ADAMTS4: variants seen among roughly 807,000 people sequenced by gnomAD.
ADAMTS4 encodes A disintegrin and metalloproteinase with thrombospondin motifs 4.
A neutral mutation model predicts 66.7 loss-of-function variants in ADAMTS4; 38 were observed. That is an observed-to-expected ratio of 0.57 (90% CI 0.44 to 0.75). The LOEUF (loss-of-function observed/expected upper bound fraction) is 0.75. ADAMTS4 is among the 30% of genes least tolerant of loss of function. The pLI, the probability that ADAMTS4 is intolerant of heterozygous loss-of-function variation, is 0.00. For missense variants in ADAMTS4, 1,014 were observed against 1,116.7 expected (o/e 0.91, Z 1.31); for synonymous variants, 418 against 461.5 (o/e 0.91, Z 1.21).
At chr1:161,195,945 A>ACG in intron 3 of ADAMTS4, 1 of 558,714 alleles carries the variant, frequency 1.8e-6, no homozygotes, top group Non-Finnish European at 3.1e-6. Flanking sequence ...ACACACACAC[A>ACG]CACACACACA....
At chr1:161,195,317 C>T in intron 4 of ADAMTS4, 148 bp downstream of exon 4, 1 of 824,538 alleles carries the variant, frequency 1.2e-6, no homozygotes, top group Non-Finnish European at 1.9e-6. Flanking sequence ...TACACAAAGA[C>T]AGCAGCATTT....
Position 161,195,619 on chromosome 1 carries a change from C to A in ADAMTS4, c.1107G>T (p.Met369Ile). 3 of 1,612,560 alleles carry A rather than the reference C, an allele frequency of 1.9e-6. No homozygotes were observed. The highest frequency in any genetic ancestry group is 2.5e-6 in the Non-Finnish European group (3 of 1,179,256). ...TGCATGGCTTGGAGTTGTCATGGAG[C>A]ATGTTGAAGACATGACCTGTGGGAG... is the stretch of plus-strand genomic sequence containing the variant. ...AAHELGHVFN[M>I]LHDNSKPCIS... is the part of the protein sequence containing the mutation. Residue 369 changes from methionine (M) to isoleucine (I), a missense_variant, in exon 4 of 9, where the codon ATG (methionine) becomes ATT (isoleucine). Met to Ile is a conservative substitution (Grantham distance 10). Coordinates refer to ENST00000367996, the MANE Select transcript of ADAMTS4 (RefSeq NM_005099.6).
intron 1 of ADAMTS4, among the ~76,000 whole-genome samples, chr1:161,197,793 G>A (rs1664914921): frequency 1.3e-5 from 2 of 152,040 alleles, no homozygotes; most frequent in Admixed American, 6.6e-5. Flanking sequence ...GAGAACCCTC[G>A]GTGGGTCTGG....
Position 161,198,091 on chromosome 1 carries a change from G to A in ADAMTS4, c.537C>T (p.His179=), listed in dbSNP as rs758043724. Residue 179 remains histidine, a synonymous_variant, in exon 1 of 9, where the codon CAC becomes CAT. Transcript: ENST00000367996. The surrounding 1 kb of genome is among the most constrained non-coding windows in gnomAD (Gnocchi z 4.7). Reference sequence around the variant, plus strand: ...TGGCAGGACTCTTCCGGCGTAGGATGTGAGCCCCAGGTCCCCCAGCAGAGT... The same window carrying A: ...TGGCAGGACTCTTCCGGCGTAGGATATGAGCCCCAGGTCCCCCAGCAGAGT... ...TPNSAGGPGA[H]ILRRKSPASG... is the part of the protein sequence containing the mutation. 6.2e-6 allele frequency: 10 copies of A among 1,613,360 alleles called. No homozygotes were observed. In the African/African-American group the frequency reaches 9.3e-5, roughly 15 times the overall value.
At chr1:161,195,940 C>A in intron 3 of ADAMTS4, 2 of 479,920 alleles carry the variant, frequency 4.2e-6, no homozygotes, top group Non-Finnish European at 7.1e-6. Flanking sequence ...CACAGACACA[C>A]ACACACACAC....
rs1230770895 is a variant in ADAMTS4 at position 161,198,414 on chromosome 1, G to A, written c.214C>T (p.Leu72=). 3.1e-6 allele frequency: 5 copies of A among 1,603,098 alleles called. No homozygotes were observed. Among genetic ancestry groups the A allele is most frequent in the Non-Finnish European group, 4.3e-6 (5 of 1,175,360 alleles). The change falls in exon 1 of 9, where the codon CTG becomes TTG. Residue 72 remains leucine, a synonymous_variant. Coordinates refer to ENST00000367996, the MANE Select transcript of ADAMTS4 (RefSeq NM_005099.6). This position sits in a 1 kb window ranked among gnomAD's most constrained non-coding sequence, Gnocchi z 4.7. ...VFPEKLNGSV[L]PGSGAPARLL... is the part of the protein sequence containing the mutation. ...CTGGCAGGGGCGCCCGAGCCAGGCA[G>A]GACGCTGCCGTTGAGCTTCTCTGGA...
At position 161,185,257 on chromosome 1, in the gene ADAMTS4, G is replaced by A. The variant is rs1481580292; in HGVS notation, c.*5881C>T. ...CTAGTGTGTCTCTGTGAAGTTGGATGTGTGTTATGTCAATGTGTCACTGTT... is the reference window on the plus strand; with the variant it reads ...CTAGTGTGTCTCTGTGAAGTTGGATATGTGTTATGTCAATGTGTCACTGTT... On this transcript the variant is annotated 3_prime_UTR_variant, in exon 9 of 9. Coordinates refer to ENST00000367996, the MANE Select transcript of ADAMTS4 (RefSeq NM_005099.6). 1 of 152,334 alleles carries A rather than the reference G, an allele frequency of 6.6e-6. No individual in the cohort carries two copies. Among genetic ancestry groups the A allele is most frequent in the Non-Finnish European group, 1.5e-5 (1 of 68,036 alleles). The allele number at this position is 152,334 out of a possible 1,614,324, so 9.4% of individuals were successfully genotyped here. A position where few individuals can be genotyped will look rare whatever the true frequency, so the allele number is the denominator to read the frequency against.
Position 161,198,644 on chromosome 1 carries a change from C to T in ADAMTS4, c.-17G>A. ...CTGGGACATGGCACTGGTACTGCAG[C>T]TGGGAGGGACTGAGGCCGTCTAGGG... On this transcript the variant is annotated 5_prime_UTR_variant, in exon 1 of 9. Coordinates refer to ENST00000367996, the MANE Select transcript of ADAMTS4 (RefSeq NM_005099.6). The surrounding 1 kb of genome is among the most constrained non-coding windows in gnomAD (Gnocchi z 4.7). 3 of 1,484,792 alleles carry T rather than the reference C, an allele frequency of 2.0e-6. No homozygotes were observed. The highest frequency in any genetic ancestry group is 1.4e-5 in the South Asian group (1 of 72,336). The allele number at this position is 1,484,792 out of a possible 1,614,324, so 92.0% of individuals were successfully genotyped here. A position where few individuals can be genotyped will look rare whatever the true frequency, so the allele number is the denominator to read the frequency against.
rs1034757968 is a variant in ADAMTS4 at position 161,198,658 on chromosome 1, GGC to G, written c.-33_-32del. On this transcript the variant is annotated 5_prime_UTR_variant, in exon 1 of 9. Transcript: ENST00000367996. The surrounding 1 kb of genome is among the most constrained non-coding windows in gnomAD (Gnocchi z 4.7). ...TGGTACTGCAGCTGGGAGGGACTGA[GGC>G]CGTCTAGGGCACCAAGTCCTCCACA... 2.5e-5 allele frequency: 37 copies of G among 1,460,470 alleles called. No individual in the cohort carries two copies. The highest frequency in any genetic ancestry group is 3.4e-5 in the Non-Finnish European group (37 of 1,102,766). 90.5% of individuals were successfully genotyped at this position (1,460,470 alleles called of 1,614,324 possible). A position where few individuals can be genotyped will look rare whatever the true frequency, so the allele number is the denominator to read the frequency against.
In ADAMTS4 at chr1:161,193,283, G is replaced by A. The variant is rs1664723923; in HGVS notation, c.1841C>T (p.Ala614Val). 2 of 1,614,116 alleles carry A rather than the reference G, an allele frequency of 1.2e-6. No individual in the cohort carries two copies. Among genetic ancestry groups the A allele is most frequent in the East Asian group, 4.5e-5 (2 of 44,890 alleles). Reference protein sequence around the residue: ...MDWVPRYTGVAPQDQCKLTCQ... With the variant: ...MDWVPRYTGVVPQDQCKLTCQ... ...GGTGAGTTTGCACTGGTCCTGGGGG[G>A]CCACGCCTGTGTAGCGAGGAACCCA... is the stretch of plus-strand genomic sequence containing the variant. The change falls in exon 7 of 9, where the codon GCC becomes GTC. Residue 614 changes from alanine to valine, a missense_variant. Physicochemically the swap from Ala to Val is moderately conservative, Grantham distance 64. Transcript: ENST00000367996. This position sits in a 1 kb window ranked among gnomAD's most constrained non-coding sequence, Gnocchi z 4.4.
In ADAMTS4 at chr1:161,193,228, A is replaced by G. The variant is rs1033288242; in HGVS notation, c.1896T>C (p.Tyr632=). The G allele has an allele frequency of 1.2e-6, 2 of 1,613,478 alleles. No homozygotes were observed. The highest frequency in any genetic ancestry group is 1.7e-5 in the Admixed American group (1 of 59,978). ...TGACCCTCACCCGTGGCTCCAGCAC[A>G]TAGTAGTAGCCCAGTGCCTGGGCCT... ...TCQAQALGYY[Y]VLEPRVVDGT... is the part of the protein sequence containing the mutation. The change falls in exon 7 of 9, where the codon TAT becomes TAC. Residue 632 remains tyrosine (Y), a synonymous_variant. Transcript: ENST00000367996. This position sits in a 1 kb window ranked among gnomAD's most constrained non-coding sequence, Gnocchi z 4.4.
rs750087497 is a variant in ADAMTS4 at position 161,188,411 on chromosome 1, CT to C, written c.*2726del. On this transcript the variant is annotated 3_prime_UTR_variant, in exon 9 of 9. Coordinates refer to ENST00000367996, the MANE Select transcript of ADAMTS4 (RefSeq NM_005099.6). ...CACCACGCCCGGCTAATTTTTCAAT[CT>C]TTTTTTTTTTTGGTAGAGATGGAAT... 1.8e-3 allele frequency: 248 copies of C among 138,034 alleles called. No homozygotes were observed. The highest frequency in any genetic ancestry group is 4.8e-3 in the East Asian group (23 of 4,802). The allele number at this position is 138,034 out of a possible 1,614,324, so 8.6% of individuals were successfully genotyped here. A position where few individuals can be genotyped will look rare whatever the true frequency, so the allele number is the denominator to read the frequency against.
Position 161,198,432 on chromosome 1 carries a change from T to TCTCTGGAAA in ADAMTS4, c.187_195dup (p.Phe63_Glu65dup), listed in dbSNP as rs767731851. On this transcript the variant is annotated inframe_insertion, in exon 1 of 9. Transcript: ENST00000367996. The surrounding 1 kb of genome is among the most constrained non-coding windows in gnomAD (Gnocchi z 4.7). ...CCAGGCAGGACGCTGCCGTTGAGCT[T>TCTCTGGAAA]CTCTGGAAACACGATCTCCTCCTCC... 29 of 1,592,494 alleles carry TCTCTGGAAA rather than the reference T, an allele frequency of 1.8e-5. No individual in the cohort carries two copies. Among genetic ancestry groups the TCTCTGGAAA allele is most frequent in the Non-Finnish European group, 2.4e-5 (28 of 1,169,938 alleles).
chr1:161,196,157 C>A lies in ADAMTS4; in HGVS notation c.1090+14G>T. 6.3e-7 allele frequency: 1 copy of A among 1,577,776 alleles called. No individual in the cohort carries two copies. ...TCTCCTCCCTAATACCTTTCTCATC[C>A]ACCCCTACTTTACCCAGTTCATGAG... On this transcript the variant is annotated intron_variant, in intron 3 of 8. Coordinates refer to ENST00000367996, the MANE Select transcript of ADAMTS4 (RefSeq NM_005099.6).
In ADAMTS4 at chr1:161,193,758, A is replaced by G. The variant is rs948888640; in HGVS notation, c.1617T>C (p.Gly539=). ...TGCAGTCTCGGGAGGAGAACTGGACACCACCCCCACAGGTCCGAGAGCAGT... is the reference window on the plus strand; with the variant it reads ...TGCAGTCTCGGGAGGAGAACTGGACGCCACCCCCACAGGTCCGAGAGCAGT... ...WGDCSRTCGG[G]VQFSSRDCTR... is the part of the protein sequence containing the mutation. Residue 539 remains glycine (G), a synonymous_variant, in exon 6 of 9, where the codon GGT becomes GGC. Transcript: ENST00000367996. The surrounding 1 kb of genome is among the most constrained non-coding windows in gnomAD (Gnocchi z 4.4). The G allele has an allele frequency of 1.2e-6, 2 of 1,613,924 alleles. No homozygotes were observed. Among genetic ancestry groups the G allele is most frequent in the East Asian group, 4.5e-5 (2 of 44,870 alleles).
At chr1:161,191,947 G>T (rs116393628) in intron 8 of ADAMTS4, 118 bp downstream of exon 8, 153 of 1,261,372 alleles carry the variant, frequency 1.2e-4, no homozygotes, top group Non-Finnish European at 1.5e-4. Flanking sequence ...CTGCCTACTC[G>T]TCTATCTCCC....
rs778419465 is a variant in ADAMTS4 at position 161,192,146 on chromosome 1, T to C, written c.2006A>G (p.Lys669Arg). ...CACCATGCACTTGTCAAACTTCTTC[T>C]TGGAGCCAATGATGCGATCACAGCC... The part of the protein sequence containing the change: ...HAGCDRIIGS[K>R]KKFDKCMVCG... Residue 669 changes from lysine (K) to arginine (R), a missense_variant, in exon 8 of 9, where the codon AAG becomes AGG. By Grantham distance (26) the Lys-to-Arg change is conservative (BLOSUM62 2). Transcript: ENST00000367996. The C allele has an allele frequency of 1.2e-6, 2 of 1,614,090 alleles. No homozygotes were observed. Among genetic ancestry groups the C allele is most frequent in the South Asian group, 2.2e-5 (2 of 91,080 alleles).
At chr1:161,197,119 AG>A in intron 1 of ADAMTS4, 3 of 504,768 alleles carry the variant, frequency 5.9e-6, no homozygotes. Flanking sequence ...GGGGAGGAGA[AG>A]GGGACGCCAC....
At position 161,191,288 on chromosome 1, in the gene ADAMTS4, A is replaced by G. The variant is rs1664672459; in HGVS notation, c.2364T>C (p.Ala788=). The G allele has an allele frequency of 1.2e-6, 2 of 1,613,950 alleles. No homozygotes were observed. Among genetic ancestry groups the G allele is most frequent in the East Asian group, 2.2e-5 (1 of 44,884 alleles). Residue 788 remains alanine, a synonymous_variant, in exon 9 of 9, where the codon GCT becomes GCC. Transcript: ENST00000367996. ...AQPLTLQVLV[A]GNPQDTRLRY... Reference sequence around the variant, plus strand: ...GGAGGCGTGTGTCCTGGGGGTTGCCAGCCACTAGGACTTGCAGTGTCAAAG... The same window carrying G: ...GGAGGCGTGTGTCCTGGGGGTTGCCGGCCACTAGGACTTGCAGTGTCAAAG...
Sources: allele counts gnomAD v4.1 joint callset (sites outside exome capture counted in the v4.1 genomes callset), GRCh38; gene constraint gnomAD v4.1.1; non-coding constraint Gnocchi (gnomAD v3.1); transcripts MANE v1.5; gene names NCBI Gene and HGNC (gene_info 2026-07-23, HGNC 2026-07-21).